Variants in UBAC2 observed in about 807,000 individuals in gnomAD.
The protein encoded by UBAC2 is UBA domain containing 2.
A neutral mutation model predicts 44.0 loss-of-function variants in UBAC2; 26 were observed. That is an observed-to-expected ratio of 0.59 (90% CI 0.43 to 0.82). UBAC2 has a LOEUF of 0.82. Among genes scored for constraint, UBAC2 ranks in the 40% least tolerant of loss-of-function variants. The pLI, the probability that UBAC2 is intolerant of heterozygous loss-of-function variation, is 0.00. For missense variants in UBAC2, 329 were observed against 419.4 expected, an observed-to-expected ratio of 0.78 and a Z score of 1.88; for synonymous variants, 155 against 154.3, an observed-to-expected ratio of 1.00 and a Z score of -0.04.
At chr13:99,315,489 A>C (rs1444012623) in intron 5 of UBAC2, among the ~76,000 whole-genome samples, 1 of 152,148 alleles carries the variant, frequency 6.6e-6, no homozygotes, top group Non-Finnish European at 1.5e-5. Flanking sequence ...GAGAATGAAA[A>C]CACTGTTTTA....
chr13:99,243,696 G>GT, intron 2 of UBAC2, 136 bp from the exon 3 acceptor site: 2 of 741,694 alleles, frequency 2.7e-6, no homozygotes, highest in South Asian at 3.6e-5. Context: ...TACATATATA[G>GT]TTTTCCTTTG....
At chr13:99,248,870 T>C (rs369809735) in intron 4 of UBAC2, among the ~76,000 whole-genome samples, 1 of 152,222 alleles carries the variant, frequency 6.6e-6, no homozygotes, top group Non-Finnish European at 1.5e-5. Flanking sequence ...AGAAAACTCA[T>C]GTTCAGAAGC....
chr13:99,331,406 G>A (rs2044714572), intron 6 of UBAC2, among the ~76,000 whole-genome samples: 2 of 152,180 alleles, frequency 1.3e-5, no homozygotes, highest in East Asian at 3.8e-4. Flanking sequence ...GCCTAGAGCA[G>A]GTTTCTAAGA....
intron 4 of UBAC2, among the ~76,000 whole-genome samples, chr13:99,286,344 G>A (rs1295519470): frequency 6.6e-6 from 1 of 152,172 alleles, no homozygotes; most frequent in Non-Finnish European, 1.5e-5. Context: ...CTTTGTGTTA[G>A]GAGATCAAGT....
chr13:99,257,343 ATAG>A (rs750089951), intron 4 of UBAC2, among the ~76,000 whole-genome samples: 6 of 152,302 alleles, frequency 3.9e-5, no homozygotes, highest in Non-Finnish European at 5.9e-5. Flanking sequence ...TTCTTATTAA[ATAG>A]TAGCAATTAT....
intron 7 of UBAC2, chr13:99,351,796 T>A (rs575329102): frequency 8.8e-6 from 4 of 456,346 alleles, no homozygotes; most frequent in East Asian, 6.9e-5. Context: ...AGCCCAGGAG[T>A]CCTTGGTGCT....
chr13:99,289,909 C>T (rs552999144), intron 4 of UBAC2, among the ~76,000 whole-genome samples: 1 of 152,196 alleles, frequency 6.6e-6, no homozygotes, highest in Admixed American at 6.5e-5. Context: ...TCTTTTGCCC[C>T]CAACCCATTG....
chr13:99,306,845 A>G (rs1458436392), intron 4 of UBAC2, among the ~76,000 whole-genome samples: 1 of 152,172 alleles, frequency 6.6e-6, no homozygotes, highest in East Asian at 1.9e-4. Flanking sequence ...TTGTAGACCA[A>G]AAAGTACCGT....
intron 4 of UBAC2, among the ~76,000 whole-genome samples, chr13:99,276,119 A>C (rs187177014): frequency 1.3e-5 from 2 of 152,288 alleles, no homozygotes; most frequent in Non-Finnish European, 2.9e-5. Context: ...CTAAATAATA[A>C]ATCTCCAGCC....
chr13:99,272,110 A>G (rs924687382), intron 4 of UBAC2, among the ~76,000 whole-genome samples: 2 of 152,178 alleles, frequency 1.3e-5, no homozygotes, highest in Middle Eastern at 3.2e-3. Flanking sequence ...GCTCAGTCCC[A>G]GCTCTCTTTC....
chr13:99,302,306 A>G (rs1388448903), intron 4 of UBAC2, among the ~76,000 whole-genome samples: 1 of 152,222 alleles, frequency 6.6e-6, no homozygotes, highest in Non-Finnish European at 1.5e-5. Flanking sequence ...AAATAAAATC[A>G]TTGGAAAGGA....
intron 6 of UBAC2, among the ~76,000 whole-genome samples, chr13:99,325,489 T>C (rs758172153): frequency 2.0e-5 from 3 of 152,220 alleles, no homozygotes; most frequent in Non-Finnish European, 4.4e-5. Flanking sequence ...ATATCCCTTC[T>C]TCTAGGAAGT....
chr13:99,343,715 T>C (rs1163417391), intron 7 of UBAC2, among the ~76,000 whole-genome samples: 1 of 152,252 alleles, frequency 6.6e-6, no homozygotes, highest in Non-Finnish European at 1.5e-5. Flanking sequence ...CACCCAAACC[T>C]GAGCACTTAG....
At chr13:99,273,351 A>G (rs553359460) in intron 4 of UBAC2, among the ~76,000 whole-genome samples, 1 of 152,296 alleles carries the variant, frequency 6.6e-6, no homozygotes, top group African/African-American at 2.4e-5. Context: ...GTGAGCACCC[A>G]GGATAGAGAA....
intron 1 of UBAC2, among the ~76,000 whole-genome samples, chr13:99,202,144 T>C (rs961943778): frequency 1.3e-5 from 2 of 151,908 alleles, no homozygotes; most frequent in Non-Finnish European, 2.9e-5. Context: ...TCTCGTCTTA[T>C]AGTCTGACAG....
intron 4 of UBAC2, among the ~76,000 whole-genome samples, chr13:99,288,310 G>T (rs1172417679): frequency 6.6e-6 from 1 of 152,216 alleles, no homozygotes; most frequent in Non-Finnish European, 1.5e-5. Context: ...GCCATGTGGG[G>T]CAGAAAGTAA....
intron 1 of UBAC2, among the ~76,000 whole-genome samples, chr13:99,219,227 C>T (rs1473737385): frequency 6.6e-6 from 1 of 152,140 alleles, no homozygotes; most frequent in Non-Finnish European, 1.5e-5. Context: ...TGGGTTGCTC[C>T]CCTACCTGTC....
chr13:99,269,188 T>C (rs1231326834), intron 4 of UBAC2, among the ~76,000 whole-genome samples: 2 of 152,198 alleles, frequency 1.3e-5, no homozygotes, highest in African/African-American at 4.8e-5. Context: ...CACTCATTGG[T>C]AGGTACCACA....
At chr13:99,232,876 A>T (rs1400886137) in intron 1 of UBAC2, among the ~76,000 whole-genome samples, 1 of 152,224 alleles carries the variant, frequency 6.6e-6, no homozygotes, top group East Asian at 1.9e-4. Flanking sequence ...TAGGAGGTGG[A>T]GGTTGCAGTC....
Sources: gnomAD v4.1 joint callset for allele counts (sites outside exome capture counted in the v4.1 genomes callset) on GRCh38, gnomAD v4.1.1 for gene constraint, MANE v1.5 for transcripts, NCBI Gene and HGNC (gene_info 2026-07-23, HGNC 2026-07-21) for gene names.